The following HCN1 variants were observed in gnomAD, a reference collection of about 807,000 sequenced individuals.
HCN1 encodes potassium/sodium hyperpolarization-activated cyclic nucleotide-gated channel 1.
HCN1 carries 13 observed loss-of-function variants against 78.9 expected under a neutral mutation model. The ratio of observed to expected loss-of-function variants is 0.16; its 90% CI spans 0.11 to 0.26. HCN1 has a LOEUF of 0.26. Among genes scored for constraint, HCN1 ranks in the 10% least tolerant of loss-of-function variants. The probability of loss-of-function intolerance (pLI) is 1.00; values close to 1 mark genes in which losing one functional copy is unlikely to be tolerated. For synonymous variants in HCN1, 552 were observed against 455.5 expected (o/e 1.21, Z -2.70); for missense variants, 810 against 1,154.3 (o/e 0.70, Z 4.32).
At chr5:45,386,674 CTCA>C (rs1229902119) in intron 4 of HCN1, among the ~76,000 whole-genome samples, 2 of 152,108 alleles carry the variant, frequency 1.3e-5, no homozygotes, top group Non-Finnish European at 2.9e-5. Flanking sequence ...CTCTAATCAG[CTCA>C]TCATTTGGAA....
At position 45,262,674 on chromosome 5, in the gene HCN1, A is replaced by G; in HGVS notation, c.1920T>C (p.Asn640=). 6.2e-7 allele frequency: 1 copy of G among 1,614,032 alleles called. No homozygotes were observed. Among genetic ancestry groups the G allele is most frequent in the Non-Finnish European group, 8.5e-7 (1 of 1,180,012 alleles). Residue 640 remains asparagine, a synonymous_variant, in exon 8 of 8, where the codon AAT becomes AAC. Transcript: ENST00000303230. ...REMVQAIAPI[N]YPQMTTLNST... is the part of the protein sequence containing the mutation. ...AATTCAGGGTTGTCATTTGAGGATAATTGATGGGAGCGATTGCCTGCACCA... is the reference window on the plus strand; with the variant it reads ...AATTCAGGGTTGTCATTTGAGGATAGTTGATGGGAGCGATTGCCTGCACCA...
chr5:45,689,580 T>C (rs529667821), intron 1 of HCN1, among the ~76,000 whole-genome samples: 1 of 152,186 alleles, frequency 6.6e-6, no homozygotes, highest in East Asian at 1.9e-4. Context: ...AGCTTGGGGG[T>C]AATGTCACAT....
chr5:45,564,068 TGTC>T (rs1279425468), intron 2 of HCN1, among the ~76,000 whole-genome samples: 1 of 152,276 alleles, frequency 6.6e-6, no homozygotes, highest in East Asian at 1.9e-4. Flanking sequence ...CAATCATAAA[TGTC>T]GTAAAATTCT....
chr5:45,284,574 T>A (rs769161284), intron 6 of HCN1, among the ~76,000 whole-genome samples: 3 of 152,126 alleles, frequency 2.0e-5, no homozygotes, highest in Non-Finnish European at 4.4e-5. Context: ...ACTATGTCAA[T>A]CCTCTTTCCC....
intron 2 of HCN1, among the ~76,000 whole-genome samples, chr5:45,496,541 G>T (rs566564707): frequency 6.6e-6 from 1 of 152,050 alleles, no homozygotes; most frequent in East Asian, 1.9e-4. Context: ...CTGTGGGATC[G>T]GTGGTGATAT....
intron 5 of HCN1, among the ~76,000 whole-genome samples, chr5:45,317,387 C>T (rs1329006864): frequency 6.6e-6 from 1 of 152,158 alleles, no homozygotes; most frequent in East Asian, 1.9e-4. Flanking sequence ...AAACTGGATC[C>T]CTTCCTTACA....
At chr5:45,486,761 T>C (rs1278049838) in intron 2 of HCN1, among the ~76,000 whole-genome samples, 1 of 152,158 alleles carries the variant, frequency 6.6e-6, no homozygotes, top group Non-Finnish European at 1.5e-5. Context: ...ATTGTACAAG[T>C]ATAATATCAC....
chr5:45,659,938 C>T (rs1745890124), intron 1 of HCN1, among the ~76,000 whole-genome samples: 1 of 145,532 alleles, frequency 6.9e-6, no homozygotes, highest in Non-Finnish European at 1.5e-5. Context: ...CGTTCAGATT[C>T]AGGAAATACA....
chr5:45,473,088 C>G lies in HCN1; in HGVS notation c.850-11081G>C, dbSNP rs191832617. ...TGCTCATCATCACTTTTTTCCATAT[C>G]CAGTCAGACACAAAGATCCATTATT... On this transcript the variant is annotated intron_variant, in intron 2 of 7. Transcript: ENST00000303230. 1.3e-3 allele frequency among the ~76,000 whole-genome samples: 190 copies of G among 151,972 alleles called. 1 individual carries two copies. The highest frequency in any genetic ancestry group is 4.5e-3 in the African/African-American group (185 of 41,536).
At chr5:45,617,022 G>A (rs1367428210) in intron 2 of HCN1, among the ~76,000 whole-genome samples, 1 of 152,000 alleles carries the variant, frequency 6.6e-6, no homozygotes, top group Admixed American at 6.6e-5. Context: ...TTTAGTAGGA[G>A]CTAGAGGTGG....
chr5:45,696,037 G>T lies in HCN1; in HGVS notation c.57C>A (p.Ser19Arg), dbSNP rs1237981237. 5.2e-6 allele frequency: 7 copies of T among 1,347,884 alleles called. No individual in the cohort carries two copies. In the South Asian group the frequency reaches 7.6e-5, roughly 15 times the overall value. 83.5% of individuals were successfully genotyped at this position (1,347,884 alleles called of 1,614,324 possible). ...SSSNSRDDGN[S>R]VFPAKASATG... ...TCGCGGACGCCTTGGCGGGGAAGAC[G>T]CTGTTGCCATCGTCCCGGCTGTTAG... The change falls in exon 1 of 8, where the codon AGC (serine) becomes AGA (arginine). Residue 19 changes from serine (S) to arginine (R), a missense_variant. Ser to Arg is a moderately radical substitution (Grantham distance 110). Coordinates refer to ENST00000303230, the MANE Select transcript of HCN1 (RefSeq NM_021072.4).
chr5:45,408,811 A>C (rs1739975108), intron 3 of HCN1, among the ~76,000 whole-genome samples: 1 of 152,150 alleles, frequency 6.6e-6, no homozygotes, highest in African/African-American at 2.4e-5. Context: ...AACTACTAAC[A>C]AAGTGAAATT....
intron 3 of HCN1, among the ~76,000 whole-genome samples, chr5:45,398,459 A>G (rs1022198998): frequency 2.0e-5 from 3 of 151,988 alleles, no homozygotes; most frequent in Non-Finnish European, 4.4e-5. Context: ...GTGTGTGTGT[A>G]TTTATGTCTA....
At chr5:45,508,496 G>A (rs1742351209) in intron 2 of HCN1, among the ~76,000 whole-genome samples, 1 of 151,958 alleles carries the variant, frequency 6.6e-6, no homozygotes, top group African/African-American at 2.4e-5. Flanking sequence ...CAAATATTTA[G>A]TATTATCTCT....
In HCN1 at chr5:45,281,579, CTTTTTTTT is replaced by C. The variant is rs751307473; in HGVS notation, c.1619-14334_1619-14327del. 2.8e-3 allele frequency among the ~76,000 whole-genome samples: 225 copies of C among 81,662 alleles called. 1 individual carries two copies. The highest frequency in any genetic ancestry group is 4.7e-3 in the Admixed American group (31 of 6,586). 53.6% of individuals were successfully genotyped at this position (81,662 alleles called of 152,430 possible). A position where few individuals can be genotyped will look rare whatever the true frequency, so the allele number is the denominator to read the frequency against. On this transcript the variant is annotated intron_variant, in intron 6 of 7. Coordinates refer to ENST00000303230, the MANE Select transcript of HCN1 (RefSeq NM_021072.4). ...AAAAATATACAAGAGCTCTTCTCTT[CTTTTTTTT>C]TTTTTTTTTTTTTTTTTTTGAGACG...
At chr5:45,496,671 AT>A (rs1369114699) in intron 2 of HCN1, among the ~76,000 whole-genome samples, 2 of 151,996 alleles carry the variant, frequency 1.3e-5, no homozygotes, top group Non-Finnish European at 2.9e-5. Flanking sequence ...GGATTCATTA[AT>A]TTTTTGAAGG....
At chr5:45,423,642 T>C (rs371123886) in intron 3 of HCN1, among the ~76,000 whole-genome samples, 1 of 152,356 alleles carries the variant, frequency 6.6e-6, no homozygotes, top group Admixed American at 6.5e-5. Flanking sequence ...TTAGACTTGC[T>C]ATACAAATTC....
chr5:45,565,849 G>A (rs2111891226), intron 2 of HCN1, among the ~76,000 whole-genome samples: 1 of 152,174 alleles, frequency 6.6e-6, no homozygotes, highest in East Asian at 1.9e-4. Context: ...TATTCTATTT[G>A]TTAATATCAT....
intron 7 of HCN1, 108 bp from the exon 8 acceptor site, chr5:45,262,918 A>G: frequency 1.7e-6 from 2 of 1,203,860 alleles, no homozygotes. Context: ...TTCACAGGAG[A>G]GGCTTAAAAA....
Sources: gnomAD v4.1 joint callset for allele counts (sites outside exome capture counted in the v4.1 genomes callset) on GRCh38, gnomAD v4.1.1 for gene constraint, MANE v1.5 for transcripts, NCBI Gene and HGNC (gene_info 2026-07-23, HGNC 2026-07-21) for gene names.